WIPI2: variants seen among roughly 807,000 people sequenced by gnomAD.
WIPI2 encodes the protein WD repeat domain phosphoinositide-interacting protein 2.
WIPI2 carries 28 observed loss-of-function variants against 52.3 expected under a neutral mutation model. The ratio of observed to expected loss-of-function variants is 0.54; its 90% CI spans 0.40 to 0.73. The LOEUF is 0.73. Ranked by LOEUF, WIPI2 falls within the 30% of genes least tolerant of loss-of-function variation. WIPI2 has a pLI of 0.00. For missense variants in WIPI2, 506 were observed against 602.9 expected (o/e 0.84, Z 1.68); for synonymous variants, 268 against 245.0 (o/e 1.09, Z -0.88).
rs2115337267 is a variant in WIPI2 at position 5,233,366 on chromosome 7, GCTGCGCCAGTGACC to G, written c.*2421_*2434del. The G allele has an allele frequency of 6.6e-6, 1 of 152,406 alleles. No individual in the cohort carries two copies. The highest frequency in any genetic ancestry group is 1.9e-4 in the East Asian group (1 of 5,194). 9.4% of individuals were successfully genotyped at this position (152,406 alleles called of 1,614,324 possible). ...TGAGTTGCCCGTTAGAACTCTTACT[GCTGCGCCAGTGACC>G]CAGGTGGAGAGGGACCCTGAACCAA... On this transcript the variant is annotated 3_prime_UTR_variant, in exon 13 of 13. Coordinates refer to ENST00000288828, the MANE Select transcript of WIPI2 (RefSeq NM_015610.4).
intron 3 of WIPI2, among the ~76,000 whole-genome samples, chr7:5,200,182 T>C (rs896271948): frequency 6.6e-6 from 1 of 152,180 alleles, no homozygotes; most frequent in Non-Finnish European, 1.5e-5. Context: ...GGCCTCAGTT[T>C]CTTTTATTTT....
intron 7 of WIPI2, 149 bp downstream of exon 7, chr7:5,218,163 C>T (rs1231318086): frequency 5.2e-5 from 38 of 735,410 alleles, no homozygotes; most frequent in Admixed American, 1.9e-4. Context: ...AGGCCACAGG[C>T]GTGTACTGCC....
At chr7:5,203,625 CTTTTTT>C (rs10709311) in intron 3 of WIPI2, among the ~76,000 whole-genome samples, 3 of 66,392 alleles carry the variant, frequency 4.5e-5, no homozygotes, top group South Asian at 6.6e-4. Context: ...TACGTTCAGC[CTTTTTT>C]TTTTTTTTTT....
chr7:5,205,853 T>C (rs954365057), intron 3 of WIPI2, among the ~76,000 whole-genome samples: 4 of 150,144 alleles, frequency 2.7e-5, no homozygotes, highest in African/African-American at 9.8e-5. Context: ...CTTTTTTTTT[T>C]TTCCCCCATG....
At chr7:5,199,968 G>A (rs1461895434) in intron 3 of WIPI2, among the ~76,000 whole-genome samples, 5 of 152,158 alleles carry the variant, frequency 3.3e-5, no homozygotes, top group South Asian at 2.1e-4. Flanking sequence ...CATTTAAACC[G>A]TCTAAATTAC....
At position 5,230,985 on chromosome 7, in the gene WIPI2, A is replaced by G; in HGVS notation, c.*38A>G. On this transcript the variant is annotated 3_prime_UTR_variant, in exon 13 of 13. Transcript: ENST00000288828. The surrounding 1 kb of genome is among the most constrained non-coding windows in gnomAD (Gnocchi z 4.8). Reference sequence around the variant, plus strand: ...ACCTCTGACCCGGGGAGCAGAGAACACTGGCTTCACAGAGGACTTTGTGCA... The same window carrying G: ...ACCTCTGACCCGGGGAGCAGAGAACGCTGGCTTCACAGAGGACTTTGTGCA... The G allele has an allele frequency of 6.4e-7, 1 of 1,567,424 alleles. No individual in the cohort carries two copies. Among genetic ancestry groups the G allele is most frequent in the Non-Finnish European group, 8.7e-7 (1 of 1,148,666 alleles).
intron 5 of WIPI2, 127 bp downstream of exon 5, chr7:5,216,786 CAAACCAAGCTGCCTTCCT>C (rs1272515492): frequency 9.7e-6 from 9 of 923,120 alleles, no homozygotes; most frequent in Non-Finnish European, 1.1e-5. Flanking sequence ...GTATTGATCC[CAAACCAAGCTGCCTTCCT>C]ACTGATGCTG....
chr7:5,193,084 T>G (rs1781555750), intron 1 of WIPI2, 34 bp from the exon 2 acceptor site: 4 of 1,588,406 alleles, frequency 2.5e-6, no homozygotes, highest in Non-Finnish European at 2.6e-6. Context: ...TTTTTTACCA[T>G]TTGTTTTTTG....
At chr7:5,198,573 C>A (rs1781865634) in intron 2 of WIPI2, among the ~76,000 whole-genome samples, 1 of 152,158 alleles carries the variant, frequency 6.6e-6, no homozygotes, top group African/African-American at 2.4e-5. Context: ...CTCAGCCTTC[C>A]AAAGTGCTGG....
At chr7:5,225,289 C>T (rs373978418) in intron 8 of WIPI2, among the ~76,000 whole-genome samples, 32 of 152,020 alleles carry the variant, frequency 2.1e-4, no homozygotes, top group African/African-American at 6.0e-4. Context: ...TACAGGCACC[C>T]GCCACCACGC....
At chr7:5,222,246 G>T (rs1198856019) in intron 7 of WIPI2, among the ~76,000 whole-genome samples, 1 of 152,194 alleles carries the variant, frequency 6.6e-6, no homozygotes, top group African/African-American at 2.4e-5. Flanking sequence ...ACCACGCCCG[G>T]CCCAGGCTTT....
At chr7:5,211,145 C>G (rs927306038) in intron 3 of WIPI2, among the ~76,000 whole-genome samples, 4 of 152,192 alleles carry the variant, frequency 2.6e-5, no homozygotes, top group African/African-American at 9.7e-5. Context: ...CCTGTGTGAC[C>G]TCAGCCAGGA....
chr7:5,198,263 G>T (rs552159718), intron 2 of WIPI2, among the ~76,000 whole-genome samples: 1 of 151,870 alleles, frequency 6.6e-6, no homozygotes, highest in Non-Finnish European at 1.5e-5. Context: ...AGATGCCTGC[G>T]CCCACCTCGA....
chr7:5,217,776 C>T (rs1415422230), intron 6 of WIPI2, 146 bp from the exon 7 acceptor site: 2 of 744,926 alleles, frequency 2.7e-6, no homozygotes, highest in Non-Finnish European at 4.7e-6. Flanking sequence ...GATGCCCAGC[C>T]CCAGTAAATC....
At chr7:5,217,249 C>G (rs1188756690) in intron 6 of WIPI2, 62 bp downstream of exon 6, 21 of 1,544,412 alleles carry the variant, frequency 1.4e-5, no homozygotes, top group Non-Finnish European at 1.5e-5. Context: ...AAGAGGAGCA[C>G]TGTGGTGTCC....
intron 3 of WIPI2, among the ~76,000 whole-genome samples, chr7:5,212,929 T>C (rs1583567496): frequency 1.3e-5 from 2 of 152,220 alleles, no homozygotes; most frequent in African/African-American, 2.4e-5. Flanking sequence ...GTCTGATCTT[T>C]AGAGAAATTA....
At chr7:5,202,735 C>G (rs1425766035) in intron 3 of WIPI2, among the ~76,000 whole-genome samples, 1 of 152,106 alleles carries the variant, frequency 6.6e-6, no homozygotes, top group Non-Finnish European at 1.5e-5. Flanking sequence ...CGCGCCCGGC[C>G]TCTCATATGA....
At chr7:5,222,233 G>C (rs1295536008) in intron 7 of WIPI2, among the ~76,000 whole-genome samples, 1 of 152,232 alleles carries the variant, frequency 6.6e-6, no homozygotes, top group East Asian at 1.9e-4. Context: ...ACAGGCGTGA[G>C]CCACCACGCC....
intron 4 of WIPI2, among the ~76,000 whole-genome samples, chr7:5,215,831 C>T (rs911539753): frequency 6.6e-6 from 1 of 152,222 alleles, no homozygotes; most frequent in Admixed American, 6.5e-5. Flanking sequence ...GCATCGTCTG[C>T]ATGTCTACAT....
Sources: allele counts gnomAD v4.1 joint callset (sites outside exome capture counted in the v4.1 genomes callset), GRCh38; gene constraint gnomAD v4.1.1; non-coding constraint Gnocchi (gnomAD v3.1); transcripts MANE v1.5; gene names NCBI Gene and HGNC (gene_info 2026-07-23, HGNC 2026-07-21).